The following PSMD11 variants were observed in gnomAD, a reference collection of about 807,000 sequenced individuals.
The protein encoded by PSMD11 is 26S proteasome non-ATPase regulatory subunit 11.
In PSMD11, 5 loss-of-function variants were observed where a neutral mutation model predicts 62.3. That is an observed-to-expected ratio of 0.08 (90% CI 0.04 to 0.17). PSMD11 has a LOEUF of 0.17. Ranked by LOEUF, PSMD11 falls within the 10% of genes least tolerant of loss-of-function variation. The probability of loss-of-function intolerance (pLI) is 1.00; values close to 1 mark genes in which losing one functional copy is unlikely to be tolerated. For synonymous variants in PSMD11, 191 were observed against 191.8 expected, an observed-to-expected ratio of 1.00 and a Z score of 0.03; for missense variants, 310 against 512.9, an observed-to-expected ratio of 0.60 and a Z score of 3.82.
chr17:32,462,890 G>C (rs1907883735), intron 3 of PSMD11, among the ~76,000 whole-genome samples: 1 of 152,174 alleles, frequency 6.6e-6, no homozygotes, highest in South Asian at 2.1e-4. Context: ...ATTTCTCCAT[G>C]TTGGTCAGGC....
At chr17:32,467,635 T>C (rs1325417026) in intron 5 of PSMD11, among the ~76,000 whole-genome samples, 1 of 152,166 alleles carries the variant, frequency 6.6e-6, no homozygotes, top group East Asian at 1.9e-4. Context: ...AGAAACAGGG[T>C]CTCACTCTGT....
intron 2 of PSMD11, 79 bp from the exon 3 acceptor site, chr17:32,454,416 C>A: frequency 6.8e-7 from 1 of 1,462,416 alleles, no homozygotes; most frequent in East Asian, 2.3e-5. Context: ...ATTTTTATGA[C>A]GTTGGGTCAG....
intron 3 of PSMD11, among the ~76,000 whole-genome samples, chr17:32,462,863 T>A (rs1907882142): frequency 6.6e-6 from 1 of 152,154 alleles, no homozygotes. Flanking sequence ...ATTTCTTCTA[T>A]TTTTAGTAAA....
intron 3 of PSMD11, among the ~76,000 whole-genome samples, chr17:32,456,920 G>A (rs1907669818): frequency 6.6e-6 from 1 of 152,158 alleles, no homozygotes; most frequent in South Asian, 2.1e-4. Flanking sequence ...ACCCGCCTTG[G>A]CCTCCCAAAG....
At chr17:32,468,449 A>G (rs1462219414) in intron 5 of PSMD11, among the ~76,000 whole-genome samples, 1 of 152,154 alleles carries the variant, frequency 6.6e-6, no homozygotes, top group Non-Finnish European at 1.5e-5. Context: ...TAGAAGTTTT[A>G]TAGGTTTCAC....
At chr17:32,447,853 A>T (rs1306283296) in intron 2 of PSMD11, among the ~76,000 whole-genome samples, 1 of 151,694 alleles carries the variant, frequency 6.6e-6, no homozygotes, top group African/African-American at 2.4e-5. Context: ...AACTTCTTCA[A>T]CTTGAGAACT....
At chr17:32,472,542 T>C (rs1225820445) in intron 6 of PSMD11, among the ~76,000 whole-genome samples, 2 of 138,408 alleles carry the variant, frequency 1.4e-5, no homozygotes, top group Non-Finnish European at 3.2e-5. Context: ...GCCTGACCTC[T>C]TTTTTTTTTT....
In PSMD11 at chr17:32,450,445, T is replaced by TGAAAAAAAA. The variant is rs1271313560; in HGVS notation, c.193+3399_193+3400insGAAAAAAAA. On this transcript the variant is annotated intron_variant, in intron 2 of 13. Coordinates refer to ENST00000261712, the MANE Select transcript of PSMD11 (RefSeq NM_002815.4). ...TAATTTTTTTTTTTTTTTTTTTCTTTTAGTAGAGACGAGGTTTCACCATGT... is the reference window on the plus strand; with the variant it reads ...TAATTTTTTTTTTTTTTTTTTTCTTTGAAAAAAAATAGTAGAGACGAGGTTTCACCATGT... Among the ~76,000 whole-genome samples the TGAAAAAAAA allele has an allele frequency of 5.3e-5, 8 of 150,670 alleles. No individual in the cohort carries two copies. In the South Asian group the frequency reaches 1.7e-3, roughly 32 times the overall value.
intron 2 of PSMD11, among the ~76,000 whole-genome samples, chr17:32,451,794 A>G (rs1907507517): frequency 6.6e-6 from 1 of 152,204 alleles, no homozygotes; most frequent in South Asian, 2.1e-4. Context: ...GCTGGAGTGC[A>G]GTGGCACAAC....
chr17:32,478,718 CT>C (rs1028523949), intron 9 of PSMD11, among the ~76,000 whole-genome samples: 8 of 152,196 alleles, frequency 5.3e-5, no homozygotes, highest in Non-Finnish European at 7.4e-5. Flanking sequence ...CCTCAATGTT[CT>C]TTTTTTCCCC....
chr17:32,465,096 AATCTATCT>A (rs934381504), intron 5 of PSMD11, among the ~76,000 whole-genome samples: 2 of 148,802 alleles, frequency 1.3e-5, no homozygotes, highest in Non-Finnish European at 3.0e-5. Flanking sequence ...TTTTTTTTTT[AATCTATCT>A]ATCTATCTAT....
chr17:32,460,708 G>A (rs573804913), intron 3 of PSMD11, among the ~76,000 whole-genome samples: 10 of 150,610 alleles, frequency 6.6e-5, no homozygotes, highest in Non-Finnish European at 1.3e-4. Flanking sequence ...GGGAGGCGGA[G>A]CTTGCAGTGA....
At chr17:32,477,802 A>G (rs1049370218) in intron 9 of PSMD11, 8 of 344,878 alleles carry the variant, frequency 2.3e-5, no homozygotes, top group Non-Finnish European at 3.6e-5. Flanking sequence ...TATACATAAT[A>G]CCTTTCTATT....
At chr17:32,448,502 G>A (rs943347713) in intron 2 of PSMD11, among the ~76,000 whole-genome samples, 6 of 151,864 alleles carry the variant, frequency 4.0e-5, no homozygotes, top group African/African-American at 1.5e-4. Context: ...CGAGTAGCTG[G>A]GATTGCCAGC....
intron 1 of PSMD11, 75 bp downstream of exon 1, chr17:32,444,689 G>T (rs1907271638): frequency 6.4e-7 from 1 of 1,568,402 alleles, no homozygotes; most frequent in Non-Finnish European, 8.7e-7. Flanking sequence ...AGCGGAGAGG[G>T]GCCCGGCTAG....
At chr17:32,459,291 T>G (rs958084231) in intron 3 of PSMD11, among the ~76,000 whole-genome samples, 2 of 151,912 alleles carry the variant, frequency 1.3e-5, no homozygotes, top group African/African-American at 4.8e-5. Context: ...TGCTCACAGC[T>G]CACTGCAGCC....
At position 32,481,946 on chromosome 17, in the gene PSMD11, A is replaced by G. The variant is rs1394442699; in HGVS notation, c.*1194A>G. ...GTGTCAGTATGCTTTGTTTTCTGACACGATTACACAGCGAGGCTTTAATGC... is the reference window on the plus strand; with the variant it reads ...GTGTCAGTATGCTTTGTTTTCTGACGCGATTACACAGCGAGGCTTTAATGC... On this transcript the variant is annotated 3_prime_UTR_variant, in exon 14 of 14. Transcript: ENST00000261712. The G allele has an allele frequency of 6.6e-6, 1 of 152,154 alleles. No individual in the cohort carries two copies. The highest frequency in any genetic ancestry group is 1.5e-5 in the Non-Finnish European group (1 of 68,032). The allele number at this position is 152,154 out of a possible 1,614,324, so 9.4% of individuals were successfully genotyped here.
chr17:32,480,845 C>A lies in PSMD11; in HGVS notation c.*93C>A, dbSNP rs940396941. The A allele has an allele frequency of 1.0e-5, 5 of 501,994 alleles. No homozygotes were observed. The East Asian group carries it at 1.6e-4, about 16-fold the overall frequency. 31.1% of individuals were successfully genotyped at this position (501,994 alleles called of 1,614,324 possible). On this transcript the variant is annotated 3_prime_UTR_variant, in exon 14 of 14. Coordinates refer to ENST00000261712, the MANE Select transcript of PSMD11 (RefSeq NM_002815.4). The stretch of plus-strand genomic sequence containing the variant: ...TAGGAGATTCTTTTTTCTTTTTGTT[C>A]TACTTTTCGCTCGGAAAGTTTTTAA...
chr17:32,479,386 C>G lies in PSMD11; in HGVS notation c.1038+10C>G. ...TTTTTCCAGAGTACAGGTGAGAACC[C>G]TCTGGGGACTCCATTTCTGGCCAGG... On this transcript the variant is annotated intron_variant, in intron 10 of 13. Transcript: ENST00000261712. 6.2e-7 allele frequency: 1 copy of G among 1,613,248 alleles called. No individual in the cohort carries two copies. Among genetic ancestry groups the G allele is most frequent in the Non-Finnish European group, 8.5e-7 (1 of 1,179,550 alleles).
Sources: gnomAD v4.1 joint callset for allele counts (sites outside exome capture counted in the v4.1 genomes callset) on GRCh38, gnomAD v4.1.1 for gene constraint, MANE v1.5 for transcripts, NCBI Gene and HGNC (gene_info 2026-07-23, HGNC 2026-07-21) for gene names.